The following NTRK3 variants were observed in gnomAD, a reference collection of about 807,000 sequenced individuals.
NTRK3 encodes NT-3 growth factor receptor.
In NTRK3, 24 loss-of-function variants were observed where a neutral mutation model predicts 91.7. The ratio of observed to expected loss-of-function variants is 0.26; its 90% confidence interval spans 0.19 to 0.37. NTRK3 has a LOEUF of 0.37. Ranked by LOEUF, NTRK3 falls within the 10% of genes least tolerant of loss-of-function variation. The pLI, the probability that NTRK3 is intolerant of heterozygous loss-of-function variation, is 1.00. For missense variants in NTRK3, 880 were observed against 1,068.9 expected (o/e 0.82, Z 2.46); for synonymous variants, 483 against 404.0 (o/e 1.20, Z -2.34).
chr15:88,203,615 T>C (rs1261404186), intron 3 of NTRK3, among the ~76,000 whole-genome samples: 2 of 152,220 alleles, frequency 1.3e-5, no homozygotes. Flanking sequence ...AAATAAGACC[T>C]AATGTTCAAT....
intron 13 of NTRK3, among the ~76,000 whole-genome samples, chr15:88,094,292 C>T (rs1231566341): frequency 6.6e-6 from 1 of 151,334 alleles, no homozygotes; most frequent in African/African-American, 2.4e-5. Context: ...AGGTGAAACC[C>T]CATCTCTACT....
At chr15:87,903,705 TA>T (rs1382510496) in intron 17 of NTRK3, among the ~76,000 whole-genome samples, 3 of 152,180 alleles carry the variant, frequency 2.0e-5, no homozygotes, top group Non-Finnish European at 4.4e-5. Flanking sequence ...CGATACCCTG[TA>T]CATTCACAGG....
intron 14 of NTRK3, among the ~76,000 whole-genome samples, chr15:87,958,654 C>G (rs2034528828): frequency 6.6e-6 from 1 of 151,912 alleles, no homozygotes; most frequent in African/African-American, 2.4e-5. Context: ...ACTCAACACC[C>G]AAGCAATTCT....
chr15:88,152,545 C>A (rs1424168035), intron 5 of NTRK3, among the ~76,000 whole-genome samples: 1 of 152,134 alleles, frequency 6.6e-6, no homozygotes, highest in Non-Finnish European at 1.5e-5. Flanking sequence ...AAGAAATGAG[C>A]CCTGCCAATG....
At chr15:87,955,324 C>T (rs997386136) in intron 14 of NTRK3, among the ~76,000 whole-genome samples, 1 of 152,206 alleles carries the variant, frequency 6.6e-6, no homozygotes, top group Non-Finnish European at 1.5e-5. Context: ...CCACTTTGAG[C>T]TATAGAGAAC....
At chr15:87,959,406 A>C (rs1346949808) in intron 14 of NTRK3, among the ~76,000 whole-genome samples, 2 of 152,150 alleles carry the variant, frequency 1.3e-5, no homozygotes, top group Non-Finnish European at 2.9e-5. Flanking sequence ...GACTCTCTGG[A>C]AACATCAAGC....
chr15:87,934,535 G>A (rs1366213960), intron 15 of NTRK3, among the ~76,000 whole-genome samples: 1 of 152,072 alleles, frequency 6.6e-6, no homozygotes. Flanking sequence ...AAATCTGTAG[G>A]GCTTCCTTGG....
intron 17 of NTRK3, among the ~76,000 whole-genome samples, chr15:87,919,417 C>T (rs2067690019): frequency 1.3e-5 from 2 of 152,194 alleles, no homozygotes; most frequent in Admixed American, 6.5e-5. Flanking sequence ...TCCTGGTCAT[C>T]ATGCCCTCTC....
At chr15:88,067,486 G>A (rs1247773943) in intron 13 of NTRK3, among the ~76,000 whole-genome samples, 1 of 152,112 alleles carries the variant, frequency 6.6e-6, no homozygotes, top group Admixed American at 6.6e-5. Flanking sequence ...GTTCCCAGGG[G>A]GATGGGTTTT....
intron 13 of NTRK3, among the ~76,000 whole-genome samples, chr15:88,106,636 A>G (rs1464053723): frequency 6.6e-6 from 1 of 152,206 alleles, no homozygotes; most frequent in Admixed American, 6.5e-5. Flanking sequence ...TACATTTAAA[A>G]TATGTATGAG....
At position 87,901,539 on chromosome 15, in the gene NTRK3, T is replaced by C. The variant is rs1018574398; in HGVS notation, c.2134-21111A>G. On this transcript the variant is annotated intron_variant, in intron 17 of 18. Transcript: ENST00000394480. ...CCACCATAACAGAGGTAGAAAGAGA[T>C]GCTTTCAGCATTCCAAGTTTGGGAG... 2.6e-5 allele frequency among the ~76,000 whole-genome samples: 4 copies of C among 152,360 alleles called. No homozygotes were observed. In the South Asian group the frequency reaches 6.2e-4, roughly 24 times the overall value.
At position 88,217,350 on chromosome 15, in the gene NTRK3, C is replaced by T. The variant is rs149264014; in HGVS notation, c.249-33051G>A. Among the ~76,000 whole-genome samples, 583 of 152,314 alleles carry T rather than the reference C, an allele frequency of 3.8e-3. 3 individuals carry two copies. The highest frequency in any genetic ancestry group is 0.013 in the African/African-American group (559 of 41,566). On this transcript the variant is annotated intron_variant, in intron 3 of 18. Transcript: ENST00000394480. ...CAATAATCAAAGGGTTAAAGTAACC[C>T]GTGTATCCATCGCAGATGAATGGAT...
In NTRK3 at chr15:88,243,351, C is replaced by A. The variant is rs140020099; in HGVS notation, c.248+12555G>T. ...TTCCTGAGCCTGGCCCGTCTGCCAA[C>A]GCTCCCTCCTGGATCTCAGGTGGAG... On this transcript the variant is annotated intron_variant, in intron 3 of 18. Transcript: ENST00000394480. This position sits in a 1 kb window ranked among gnomAD's most constrained non-coding sequence, Gnocchi z 4.8. Among the ~76,000 whole-genome samples the A allele has an allele frequency of 7.2e-5, 11 of 152,212 alleles. No homozygotes were observed. The highest frequency in any genetic ancestry group is 3.4e-3 in the Middle Eastern group (1 of 294).
chr15:88,121,271 A>T (rs1454811096), intron 13 of NTRK3, among the ~76,000 whole-genome samples: 1 of 152,220 alleles, frequency 6.6e-6, no homozygotes. Flanking sequence ...TTATTGTTCT[A>T]ATGACGACGT....
chr15:88,039,758 C>G (rs757644688), intron 13 of NTRK3, among the ~76,000 whole-genome samples: 1 of 152,198 alleles, frequency 6.6e-6, no homozygotes, highest in Admixed American at 6.5e-5. Flanking sequence ...AGTTTTGCCA[C>G]GACAATACAT....
chr15:88,013,923 G>C (rs931287845), intron 14 of NTRK3, among the ~76,000 whole-genome samples: 7 of 152,082 alleles, frequency 4.6e-5, no homozygotes, highest in African/African-American at 1.7e-4. Context: ...CAACTTAGGC[G>C]ATACAGTGAG....
chr15:88,191,519 C>T (rs1317560250), intron 3 of NTRK3, among the ~76,000 whole-genome samples: 5 of 152,216 alleles, frequency 3.3e-5, no homozygotes, highest in Non-Finnish European at 7.3e-5. Flanking sequence ...AGATTGCATA[C>T]AGGTGTCCCT....
chr15:88,034,047 G>C (rs922871693), intron 13 of NTRK3, among the ~76,000 whole-genome samples: 3 of 152,078 alleles, frequency 2.0e-5, no homozygotes, highest in Non-Finnish European at 4.4e-5. Flanking sequence ...ACTCTGATGA[G>C]TGGCTCAAAG....
chr15:87,983,789 T>G (rs1295752983), intron 14 of NTRK3, among the ~76,000 whole-genome samples: 1 of 152,080 alleles, frequency 6.6e-6, no homozygotes, highest in Non-Finnish European at 1.5e-5. Context: ...GTAAGGACGT[T>G]CTCTTGGGGG....
Sources: gnomAD v4.1 joint callset for allele counts (sites outside exome capture counted in the v4.1 genomes callset) on GRCh38, gnomAD v4.1.1 for gene constraint, Gnocchi (gnomAD v3.1) non-coding constraint, MANE v1.5 for transcripts, NCBI Gene and HGNC (gene_info 2026-07-23, HGNC 2026-07-21) for gene names.